DIAPH2: variants seen among roughly 807,000 people sequenced by gnomAD.
DIAPH2 encodes diaphanous related formin 2.
DIAPH2 carries 35 observed loss-of-function variants against 92.7 expected under a neutral mutation model. That is an observed-to-expected ratio of 0.38 (90% CI 0.29 to 0.50). The LOEUF is 0.50. Ranked by LOEUF, DIAPH2 falls within the 20% of genes least tolerant of loss-of-function variation. The pLI is 0.94. For missense variants in DIAPH2, 701 were observed against 819.5 expected, an observed-to-expected ratio of 0.86 and a Z score of 1.77; for synonymous variants, 301 against 280.4, an observed-to-expected ratio of 1.07 and a Z score of -0.73.
intron 17 of DIAPH2, among the ~76,000 whole-genome samples, chrX:97,029,460 A>C (rs1602729910): frequency 9.0e-6 from 1 of 111,302 alleles, no homozygotes; most frequent in African/African-American, 3.3e-5. Flanking sequence ...TGTTGCAGAT[A>C]TCTCCCATTC....
chrX:96,686,773 CCAAA>C (rs1371821554), intron 1 of DIAPH2, among the ~76,000 whole-genome samples: 3 of 112,011 alleles, frequency 2.7e-5, no homozygotes, highest in African/African-American at 9.7e-5. Flanking sequence ...AGCAAGTTGA[CCAAA>C]CAGTAAGATT....
intron 23 of DIAPH2, among the ~76,000 whole-genome samples, chrX:97,280,346 C>T (rs1281417154): frequency 9.1e-6 from 1 of 110,065 alleles, no homozygotes; most frequent in Non-Finnish European, 1.9e-5. Context: ...ACCGTGGTGG[C>T]GGGTGCCTGT....
intron 20 of DIAPH2, among the ~76,000 whole-genome samples, chrX:97,110,779 C>T (rs935988929): frequency 1.6e-4 from 18 of 110,429 alleles, no homozygotes; most frequent in African/African-American, 3.3e-4. Context: ...GTCAGGAGAT[C>T]GAGACCATCT....
intron 19 of DIAPH2, 28 bp downstream of exon 19, chrX:97,075,289 T>G (rs1569295270): frequency 9.8e-7 from 1 of 1,016,645 alleles, no homozygotes; most frequent in Admixed American, 2.7e-5. Flanking sequence ...CTTTTGAAAT[T>G]CATTTTCACA....
At chrX:97,292,204 T>C (rs1043391808) in intron 23 of DIAPH2, among the ~76,000 whole-genome samples, 1 of 109,431 alleles carries the variant, frequency 9.1e-6, no homozygotes, top group Non-Finnish European at 1.9e-5. Context: ...AATTTTTTAA[T>C]CTTTATTTTT....
At chrX:96,945,639 C>CTTT (rs774679017) in intron 14 of DIAPH2, 48 bp downstream of exon 14, 3 of 846,856 alleles carry the variant, frequency 3.5e-6, no homozygotes, top group Non-Finnish European at 4.9e-6. Flanking sequence ...ATAATTTAAT[C>CTTT]ACAGTAATAC....
At chrX:97,316,850 C>T (rs941267932) in intron 23 of DIAPH2, among the ~76,000 whole-genome samples, 3 of 111,834 alleles carry the variant, frequency 2.7e-5, no homozygotes, top group Non-Finnish European at 5.6e-5. Flanking sequence ...AAATCTGCAA[C>T]AGTCTCATGT....
At chrX:96,925,058 C>T (rs892052933) in intron 9 of DIAPH2, among the ~76,000 whole-genome samples, 2 of 110,739 alleles carry the variant, frequency 1.8e-5, no homozygotes, top group Non-Finnish European at 3.8e-5. Context: ...TCCTTTGGTA[C>T]TTTGCTTTTC....
chrX:96,725,561 T>C (rs758333157), intron 1 of DIAPH2, among the ~76,000 whole-genome samples: 9 of 111,874 alleles, frequency 8.0e-5, no homozygotes, highest in Admixed American at 1.9e-4. Context: ...TTGTTTTCCA[T>C]GTAGAGAAGT....
At chrX:96,857,901 A>T (rs189334782) in intron 4 of DIAPH2, among the ~76,000 whole-genome samples, 29 of 112,619 alleles carry the variant, frequency 2.6e-4, no homozygotes, top group African/African-American at 9.0e-4. Flanking sequence ...GTATAATGTA[A>T]GGTACACCTA....
intron 22 of DIAPH2, among the ~76,000 whole-genome samples, chrX:97,190,849 A>T (rs2067647171): frequency 9.2e-6 from 1 of 108,747 alleles, no homozygotes. Flanking sequence ...AAAAAAAAAA[A>T]AAAAATTCAT....
At chrX:96,775,360 T>C (rs7062795) in intron 4 of DIAPH2, among the ~76,000 whole-genome samples, 5 of 68,259 alleles carry the variant, frequency 7.3e-5, no homozygotes, top group African/African-American at 2.1e-4. Flanking sequence ...TGCTTGTGTG[T>C]GTGTGTGTGT....
At chrX:97,073,533 C>T (rs772683785) in intron 18 of DIAPH2, among the ~76,000 whole-genome samples, 1 of 112,033 alleles carries the variant, frequency 8.9e-6, no homozygotes, top group South Asian at 3.7e-4. Context: ...ACCAGTCAGC[C>T]ATTAAGTATA....
intron 26 of DIAPH2, among the ~76,000 whole-genome samples, chrX:97,440,557 A>C (rs989246354): frequency 1.2e-3 from 120 of 101,491 alleles, no homozygotes; most frequent in Admixed American, 6.0e-3. Flanking sequence ...GCACCATTGC[A>C]CTCCAGCCTG....
intron 23 of DIAPH2, among the ~76,000 whole-genome samples, chrX:97,308,832 AGGAT>A (rs1457760055): frequency 9.5e-6 from 1 of 105,449 alleles, no homozygotes; most frequent in Admixed American, 1.0e-4. Context: ...CATGTTAGCC[AGGAT>A]GGATGAAACC....
At chrX:96,926,908 G>A (rs1169505293) in intron 9 of DIAPH2, among the ~76,000 whole-genome samples, 1 of 111,386 alleles carries the variant, frequency 9.0e-6, no homozygotes, top group Non-Finnish European at 1.9e-5. Context: ...CATGGAAGCT[G>A]TATTTGTAAC....
At chrX:97,505,911 G>T (rs1264612305) in intron 26 of DIAPH2, among the ~76,000 whole-genome samples, 2 of 110,587 alleles carry the variant, frequency 1.8e-5, no homozygotes, top group Non-Finnish European at 3.8e-5. Flanking sequence ...ATGTGGCTCT[G>T]TATATTTCCA....
intron 19 of DIAPH2, among the ~76,000 whole-genome samples, chrX:97,082,327 G>A (rs1436235862): frequency 9.3e-6 from 1 of 107,855 alleles, no homozygotes. Context: ...CCTCATAAGT[G>A]TAAAACTAGG....
intron 26 of DIAPH2, among the ~76,000 whole-genome samples, chrX:97,465,273 C>CACACACACACACACACA (rs1569404531): frequency 3.7e-5 from 4 of 106,848 alleles, no homozygotes; most frequent in African/African-American, 1.4e-4. Flanking sequence ...TAGAATTCAC[C>CACACACACACACACACA]CACACACACA....
Sources: gnomAD v4.1 joint callset for allele counts (sites outside exome capture counted in the v4.1 genomes callset) on GRCh38, gnomAD v4.1.1 for gene constraint, MANE v1.5 for transcripts, NCBI Gene and HGNC (gene_info 2026-07-23, HGNC 2026-07-21) for gene names.